PCDHA9: variants seen among roughly 807,000 people sequenced by gnomAD.
The protein encoded by PCDHA9 is protocadherin alpha-9.
In PCDHA9, 62 loss-of-function variants were observed where a neutral mutation model predicts 62.0. The ratio of observed to expected loss-of-function variants is 1.00; its 90% confidence interval spans 0.81 to 1.23. The LOEUF is 1.23. PCDHA9 is among the 50% of genes most tolerant of loss of function. PCDHA9 has a pLI of 0.00. For missense variants in PCDHA9, 1,205 were observed against 1,249.8 expected (o/e 0.96, Z 0.54); for synonymous variants, 557 against 567.6 (o/e 0.98, Z 0.27).
intron 1 of PCDHA9, among the ~76,000 whole-genome samples, chr5:140,888,287 C>A (rs1371852276): frequency 6.6e-6 from 1 of 152,072 alleles, no homozygotes; most frequent in Non-Finnish European, 1.5e-5. Context: ...CCCCTCTACC[C>A]CCTACCCAGG....
At chr5:140,914,339 C>T (rs1554196289) in intron 1 of PCDHA9, among the ~76,000 whole-genome samples, 1 of 152,130 alleles carries the variant, frequency 6.6e-6, no homozygotes, top group East Asian at 1.9e-4. Flanking sequence ...CCTTCTTTGT[C>T]TCTTTTTGGA....
intron 1 of PCDHA9, among the ~76,000 whole-genome samples, chr5:140,895,931 C>A (rs1365477787): frequency 5.3e-5 from 8 of 152,210 alleles, no homozygotes; most frequent in African/African-American, 1.9e-4. Flanking sequence ...CTGCCTCAGC[C>A]TCCCGAGTAG....
intron 3 of PCDHA9, chr5:140,989,054 A>G (rs1481333744): frequency 6.6e-6 from 1 of 152,214 alleles, no homozygotes; most frequent in African/African-American, 2.4e-5. Flanking sequence ...TGCCAGCTAC[A>G]TTGAGGCAAT....
intron 1 of PCDHA9, among the ~76,000 whole-genome samples, chr5:140,912,002 A>G (rs1452427916): frequency 6.6e-6 from 1 of 152,236 alleles, no homozygotes; most frequent in Admixed American, 6.5e-5. Context: ...ACAATAGGCC[A>G]TCTGCAAGCT....
chr5:140,875,685 C>A (rs563250653), intron 1 of PCDHA9: 1 of 1,613,934 alleles, frequency 6.2e-7, no homozygotes, highest in East Asian at 2.2e-5. Context: ...CCAAAAGACA[C>A]GGGGACCTTC....
At chr5:140,996,200 A>G (rs1338736394) in intron 3 of PCDHA9, among the ~76,000 whole-genome samples, 1 of 152,236 alleles carries the variant, frequency 6.6e-6, no homozygotes, top group South Asian at 2.1e-4. Flanking sequence ...CCCTCAATGC[A>G]AGGATATCAC....
chr5:141,003,252 TGGGCAGTGCCTAA>T (rs2098117217), intron 3 of PCDHA9, among the ~76,000 whole-genome samples: 1 of 152,236 alleles, frequency 6.6e-6, no homozygotes, highest in South Asian at 2.1e-4. Context: ...AAAAGATTCC[TGGGCAGTGCCTAA>T]GGGAAGTGCC....
intron 1 of PCDHA9, chr5:140,853,100 C>G: frequency 2.7e-6 from 1 of 369,590 alleles, no homozygotes; most frequent in Non-Finnish European, 3.8e-6. Flanking sequence ...AGGATGGTCT[C>G]GATCTCCTGA....
intron 1 of PCDHA9, among the ~76,000 whole-genome samples, chr5:140,891,039 AC>A (rs143686625): frequency 0.024 from 3,682 of 152,150 alleles, 153 homozygotes; most frequent in African/African-American, 0.085. Context: ...CTTAGGTGTG[AC>A]CCCCACAGCA....
Position 140,914,027 on chromosome 5 carries a change from T to G in PCDHA9, c.2394+63138T>G, listed in dbSNP as rs188298966. Among the ~76,000 whole-genome samples the G allele has an allele frequency of 8.0e-3, 1,214 of 152,300 alleles. 6 individuals carry two copies. Among genetic ancestry groups the G allele is most frequent in the African/African-American group, 0.019 (784 of 41,574 alleles). On this transcript the variant is annotated intron_variant, in intron 1 of 3. Coordinates refer to ENST00000532602, the MANE Select transcript of PCDHA9 (RefSeq NM_031857.2). ...CTATCTTTGAGAATGATCCACGTGCTGAGAAGAATGTGTATTCTGCAGCTG... is the reference window on the plus strand; with the variant it reads ...CTATCTTTGAGAATGATCCACGTGCGGAGAAGAATGTGTATTCTGCAGCTG...
At chr5:140,993,406 T>C (rs1382987714) in intron 3 of PCDHA9, among the ~76,000 whole-genome samples, 2 of 150,998 alleles carry the variant, frequency 1.3e-5, no homozygotes, top group South Asian at 4.2e-4. Flanking sequence ...TTAACCACCT[T>C]CATCAGCATT....
rs782007386 is a variant in PCDHA9 at position 140,856,148 on chromosome 5, G to A, written c.2394+5259G>A. 6.9e-6 allele frequency: 11 copies of A among 1,598,220 alleles called. No homozygotes were observed. In the East Asian group the frequency reaches 2.0e-4, roughly 29 times the overall value. ...GGGGAGCGGCCAGCTCCACTACTCA[G>A]TCTACGAGGAGGCCAGACACGGCAC... On this transcript the variant is annotated intron_variant, in intron 1 of 3. Transcript: ENST00000532602.
intron 1 of PCDHA9, chr5:140,876,809 C>T (rs1554168959): frequency 6.2e-7 from 1 of 1,614,200 alleles, no homozygotes; most frequent in Admixed American, 1.7e-5. Flanking sequence ...GTGGAGGTGG[C>T]CGACGTGAAC....
At chr5:140,893,898 C>T (rs2064223960) in intron 1 of PCDHA9, among the ~76,000 whole-genome samples, 9 of 152,114 alleles carry the variant, frequency 5.9e-5, no homozygotes, top group Admixed American at 5.2e-4. Flanking sequence ...GTTACTTTAC[C>T]TTCTGAATTT....
chr5:140,850,627 T>C lies in PCDHA9; in HGVS notation c.2132T>C (p.Leu711Ser), dbSNP rs2150491342. 1.9e-6 allele frequency: 3 copies of C among 1,598,642 alleles called. No individual in the cohort carries two copies. The South Asian group carries it at 3.3e-5, about 18-fold the overall frequency. ...IIAICAVSSL[L>S]VLTLLLYTVL... is the part of the protein sequence containing the mutation. ...GCCATCTGCGCGGTGTCTAGCCTGT[T>C]GGTTCTCACGCTGCTGCTGTACACT... The change falls in exon 1 of 4, where the codon TTG becomes TCG. Residue 711 changes from leucine (L) to serine (S), a missense_variant. Leu to Ser is a moderately radical substitution (Grantham distance 145, BLOSUM62 -2). Transcript: ENST00000532602.
intron 1 of PCDHA9, chr5:140,927,409 A>C (rs1554204480): frequency 2.5e-6 from 4 of 1,614,002 alleles, no homozygotes; most frequent in Non-Finnish European, 3.4e-6. Flanking sequence ...TCGCCTGGAC[A>C]TGGGATCGCG....
intron 1 of PCDHA9, chr5:140,866,843 TAAC>T (rs1212569386): frequency 2.6e-5 from 4 of 152,142 alleles, no homozygotes; most frequent in African/African-American, 9.7e-5. Flanking sequence ...CAAAATCAGT[TAAC>T]AATAACTGTA....
chr5:141,000,603 T>C (rs1237883625), intron 3 of PCDHA9, among the ~76,000 whole-genome samples: 1 of 150,986 alleles, frequency 6.6e-6, no homozygotes, highest in Admixed American at 6.6e-5. Flanking sequence ...AATTTTTGTA[T>C]TTTTAGTAGA....
intron 1 of PCDHA9, among the ~76,000 whole-genome samples, chr5:140,874,127 A>G (rs1297073584): frequency 2.0e-5 from 3 of 151,564 alleles, no homozygotes; most frequent in Non-Finnish European, 4.4e-5. Flanking sequence ...TAGTTTATTT[A>G]AGTTATCTTA....
Sources: gnomAD v4.1 joint callset for allele counts (sites outside exome capture counted in the v4.1 genomes callset) on GRCh38, gnomAD v4.1.1 for gene constraint, MANE v1.5 for transcripts, NCBI Gene and HGNC (gene_info 2026-07-23, HGNC 2026-07-21) for gene names.